Variants in IMMP2L observed in about 807,000 individuals in gnomAD.
The protein encoded by IMMP2L is inner mitochondrial membrane peptidase subunit 2, also known as mitochondrial inner membrane protease subunit 2.
A neutral mutation model predicts 19.3 loss-of-function variants in IMMP2L; 18 were observed. The observed-to-expected ratio is 0.93, with a 90% CI of 0.64 to 1.38. The LOEUF is 1.38. IMMP2L is among the 40% of genes most tolerant of loss of function. The pLI, the probability that IMMP2L is intolerant of heterozygous loss-of-function variation, is 0.00. For missense variants in IMMP2L, 233 were observed against 218.2 expected, an observed-to-expected ratio of 1.07 and a Z score of -0.43; for synonymous variants, 76 against 73.0, an observed-to-expected ratio of 1.04 and a Z score of -0.21.
chr7:110,677,871 C>T (rs1053226175), intron 5 of IMMP2L, among the ~76,000 whole-genome samples: 1 of 152,132 alleles, frequency 6.6e-6, no homozygotes, highest in African/African-American at 2.4e-5. Flanking sequence ...AGGGGTGGCA[C>T]AATGGGTGAG....
intron 5 of IMMP2L, among the ~76,000 whole-genome samples, chr7:110,723,780 C>G (rs1241170387): frequency 1.3e-5 from 2 of 151,144 alleles, no homozygotes; most frequent in African/African-American, 4.9e-5. Context: ...GCCATGTAAC[C>G]TTCAACTACA....
rs115518196 is a variant in IMMP2L at position 111,196,664 on chromosome 7, A to G, written c.240-233099T>C. Among the ~76,000 whole-genome samples the G allele has an allele frequency of 8.8e-3, 1,336 of 152,330 alleles. 24 individuals carry two copies. Among genetic ancestry groups the G allele is most frequent in the African/African-American group, 0.03 (1,259 of 41,562 alleles). On this transcript the variant is annotated intron_variant, in intron 3 of 5. Transcript: ENST00000405709. ...CTTTCACGAAATAGGAAATGAAAAT[A>G]TGAGAATTTAAATGATTTAAATTTA... is the stretch of plus-strand genomic sequence containing the variant.
At chr7:111,178,753 G>A (rs1247353019) in intron 3 of IMMP2L, among the ~76,000 whole-genome samples, 2 of 152,032 alleles carry the variant, frequency 1.3e-5, no homozygotes, top group Non-Finnish European at 2.9e-5. Flanking sequence ...TAGCAATTCA[G>A]TTCCATCTTC....
intron 3 of IMMP2L, among the ~76,000 whole-genome samples, chr7:110,970,355 T>C (rs992937677): frequency 6.6e-6 from 1 of 152,090 alleles, no homozygotes; most frequent in Non-Finnish European, 1.5e-5. Context: ...TACCTCACCA[T>C]CTAGAATAAT....
intron 4 of IMMP2L, among the ~76,000 whole-genome samples, chr7:110,946,956 G>A (rs543628687): frequency 2.6e-5 from 4 of 152,156 alleles, no homozygotes; most frequent in East Asian, 1.9e-4. Context: ...CCCTGACCTC[G>A]TGATCTGCCT....
At chr7:111,326,289 T>C (rs182973487) in intron 3 of IMMP2L, among the ~76,000 whole-genome samples, 1 of 151,984 alleles carries the variant, frequency 6.6e-6, no homozygotes, top group Non-Finnish European at 1.5e-5. Flanking sequence ...TAGCAAATAA[T>C]GAATTTGATT....
intron 3 of IMMP2L, among the ~76,000 whole-genome samples, chr7:111,445,429 C>T (rs1838243700): frequency 6.6e-6 from 1 of 151,472 alleles, no homozygotes; most frequent in Non-Finnish European, 1.5e-5. Flanking sequence ...TACATACATA[C>T]ATACATACAT....
chr7:111,540,119 G>T (rs1374883143), intron 1 of IMMP2L, among the ~76,000 whole-genome samples: 1 of 152,074 alleles, frequency 6.6e-6, no homozygotes, highest in Middle Eastern at 3.2e-3. Flanking sequence ...CATTTTAATA[G>T]TTTCTTAGTA....
intron 5 of IMMP2L, among the ~76,000 whole-genome samples, chr7:110,749,337 C>A (rs59340736): frequency 1.3e-5 from 2 of 152,080 alleles, no homozygotes; most frequent in East Asian, 1.9e-4. Context: ...GACAGTGTGG[C>A]GATTCCTCAA....
intron 1 of IMMP2L, among the ~76,000 whole-genome samples, chr7:111,553,491 T>C (rs949928976): frequency 6.6e-5 from 10 of 152,288 alleles, no homozygotes; most frequent in African/African-American, 2.2e-4. Flanking sequence ...GTTACTATTT[T>C]CTGGAAAATG....
At chr7:111,219,603 G>C (rs949654264) in intron 3 of IMMP2L, among the ~76,000 whole-genome samples, 2 of 151,686 alleles carry the variant, frequency 1.3e-5, no homozygotes, top group African/African-American at 2.4e-5. Context: ...TGATTTCTTA[G>C]GATGCATTAT....
chr7:111,294,922 T>G (rs1198768964), intron 3 of IMMP2L, among the ~76,000 whole-genome samples: 2 of 151,920 alleles, frequency 1.3e-5, no homozygotes, highest in African/African-American at 2.4e-5. Flanking sequence ...AAATGGACTT[T>G]TCAATAACTG....
intron 5 of IMMP2L, among the ~76,000 whole-genome samples, chr7:110,815,710 G>A (rs552145191): frequency 3.9e-5 from 6 of 152,038 alleles, no homozygotes; most frequent in Middle Eastern, 3.4e-3. Flanking sequence ...TGTATGTGTC[G>A]AGGAATTTAT....
At chr7:111,536,006 T>C (rs1439716430) in intron 1 of IMMP2L, among the ~76,000 whole-genome samples, 1 of 151,984 alleles carries the variant, frequency 6.6e-6, no homozygotes, top group Non-Finnish European at 1.5e-5. Context: ...CACTAAGAAG[T>C]GCTTAGAAAA....
chr7:111,230,383 A>G (rs1335599968), intron 3 of IMMP2L, among the ~76,000 whole-genome samples: 1 of 152,102 alleles, frequency 6.6e-6, no homozygotes, highest in East Asian at 1.9e-4. Context: ...GAATTTGAGG[A>G]ATAAAGAGAT....
chr7:111,434,969 A>C (rs1241827113), intron 3 of IMMP2L, among the ~76,000 whole-genome samples: 1 of 151,930 alleles, frequency 6.6e-6, no homozygotes, highest in East Asian at 1.9e-4. Context: ...TTAGAAGCAC[A>C]ATCATACATT....
In IMMP2L at chr7:110,984,291, CA is replaced by C. The variant is rs570938609; in HGVS notation, c.240-20727del. On this transcript the variant is annotated intron_variant, in intron 3 of 5. Coordinates refer to ENST00000405709, the MANE Select transcript of IMMP2L (RefSeq NM_032549.4). ...AGTTGAGTGGTATGTTACTTATCAC[CA>C]AAAAAAAAAAACCACCTAGATTTTT... Among the ~76,000 whole-genome samples the C allele has an allele frequency of 5.6e-3, 731 of 130,400 alleles. 4 individuals are homozygous for C. Among genetic ancestry groups the C allele is most frequent in the African/African-American group, 0.016 (593 of 36,734 alleles). The allele number at this position is 130,400 out of a possible 152,430, so 85.5% of individuals were successfully genotyped here.
At chr7:110,834,359 AGT>A (rs59237816) in intron 5 of IMMP2L, among the ~76,000 whole-genome samples, 2 of 150,248 alleles carry the variant, frequency 1.3e-5, no homozygotes, top group Admixed American at 6.6e-5. Context: ...CAAAGTTAAG[AGT>A]GTGTGTGTGT....
chr7:110,703,411 T>G (rs1378696080), intron 5 of IMMP2L, among the ~76,000 whole-genome samples: 1 of 152,134 alleles, frequency 6.6e-6, no homozygotes, highest in African/African-American at 2.4e-5. Context: ...TGTATTGCTT[T>G]TGTTTAGTTC....
Sources: allele counts gnomAD v4.1 joint callset (sites outside exome capture counted in the v4.1 genomes callset), GRCh38; gene constraint gnomAD v4.1.1; transcripts MANE v1.5; gene names NCBI Gene and HGNC (gene_info 2026-07-23, HGNC 2026-07-21).